BRD10: variants seen among roughly 807,000 people sequenced by gnomAD.
BRD10 encodes uncharacterized bromodomain-containing protein 10.
chr9:5,983,951 T>G, the BRD10 span, among the ~76,000 whole-genome samples: 1 of 142,246 alleles, frequency 7.0e-6, no homozygotes. Flanking sequence ...GAGTCATATA[T>G]GTATATGCAT....
the BRD10 span, chr9:6,007,925 G>C: frequency 7.5e-7 from 1 of 1,332,768 alleles, no homozygotes; most frequent in Non-Finnish European, 9.5e-7. Context: ...CTCAGCCGCC[G>C]GCTCGGCTCG....
the BRD10 span, among the ~76,000 whole-genome samples, chr9:5,953,324 T>A: frequency 6.6e-6 from 1 of 152,112 alleles, no homozygotes; most frequent in Non-Finnish European, 1.5e-5. Flanking sequence ...AGAAAGTGTT[T>A]ATTGAAGAAA....
the BRD10 span, chr9:5,969,009 C>T: frequency 6.2e-7 from 1 of 1,610,244 alleles, no homozygotes; most frequent in Non-Finnish European, 8.5e-7. Context: ...TTAACTTCTC[C>T]AAGAACTTTA....
At chr9:5,887,774 G>A in the BRD10 span, among the ~76,000 whole-genome samples, 29 of 152,280 alleles carry the variant, frequency 1.9e-4, no homozygotes, top group Middle Eastern at 3.4e-3. Context: ...CTAAGTCATG[G>A]TCTATTGTTC....
the BRD10 span, among the ~76,000 whole-genome samples, chr9:5,961,186 G>A: frequency 6.6e-6 from 1 of 152,070 alleles, no homozygotes; most frequent in East Asian, 1.9e-4. Flanking sequence ...GAATAGAGAG[G>A]AGACAATCCT....
the BRD10 span, among the ~76,000 whole-genome samples, chr9:5,980,678 T>C: frequency 1.3e-5 from 2 of 151,750 alleles, no homozygotes; most frequent in African/African-American, 4.8e-5. Flanking sequence ...AATGTATATG[T>C]ATATAGAGAG....
At chr9:5,976,341 T>C in the BRD10 span, among the ~76,000 whole-genome samples, 1 of 152,228 alleles carries the variant, frequency 6.6e-6, no homozygotes, top group Non-Finnish European at 1.5e-5. Flanking sequence ...GGGTAGAATA[T>C]TTTTCTTCAA....
the BRD10 span, among the ~76,000 whole-genome samples, chr9:5,973,858 G>C: frequency 6.6e-6 from 1 of 152,102 alleles, no homozygotes; most frequent in African/African-American, 2.4e-5. Context: ...CTCTAGCCTG[G>C]GCAACAGAGC....
chr9:5,886,025 AAC>A, the BRD10 span, among the ~76,000 whole-genome samples: 2 of 152,212 alleles, frequency 1.3e-5, no homozygotes, highest in Admixed American at 1.3e-4. Context: ...CCCAAAAGGG[AAC>A]ACAGTGGACG....
chr9:5,999,878 G>T, the BRD10 span, among the ~76,000 whole-genome samples: 1 of 151,836 alleles, frequency 6.6e-6, no homozygotes, highest in East Asian at 1.9e-4. Flanking sequence ...AACTGAACTT[G>T]TCTTACCACA....
At chr9:5,940,254 T>C in the BRD10 span, among the ~76,000 whole-genome samples, 4 of 152,126 alleles carry the variant, frequency 2.6e-5, no homozygotes, top group Non-Finnish European at 5.9e-5. Flanking sequence ...AGCACAGTGG[T>C]GCGATCTTGG....
chr9:5,949,040 A>G, the BRD10 span, among the ~76,000 whole-genome samples: 5 of 152,166 alleles, frequency 3.3e-5, no homozygotes, highest in Non-Finnish European at 7.3e-5. Flanking sequence ...GTTTCTCTCA[A>G]TGAACTATAT....
chr9:5,996,144 A>C, the BRD10 span, among the ~76,000 whole-genome samples: 1 of 152,208 alleles, frequency 6.6e-6, no homozygotes, highest in Non-Finnish European at 1.5e-5. Context: ...TAAAGCCATT[A>C]AACAACAACA....
At chr9:5,919,707 T>C in the BRD10 span, 1 of 1,610,796 alleles carries the variant, frequency 6.2e-7, no homozygotes, top group Non-Finnish European at 8.5e-7. Flanking sequence ...CTGTCAGGCT[T>C]CTCTAAGCCC....
the BRD10 span, chr9:5,944,835 G>T: frequency 2.0e-6 from 2 of 1,007,500 alleles, no homozygotes; most frequent in South Asian, 3.5e-5. Flanking sequence ...TTTTAATGCT[G>T]ACAATAATAG....
the BRD10 span, among the ~76,000 whole-genome samples, chr9:5,987,663 T>C: frequency 2.0e-5 from 3 of 152,234 alleles, no homozygotes; most frequent in Non-Finnish European, 2.9e-5. Context: ...ATAAATTGCC[T>C]CTGACCAGCA....
At chr9:5,956,971 G>A in the BRD10 span, among the ~76,000 whole-genome samples, 1 of 152,096 alleles carries the variant, frequency 6.6e-6, no homozygotes, top group African/African-American at 2.4e-5. Flanking sequence ...CTAGGGGGTA[G>A]GAAAAGGGAT....
At chr9:5,901,392 C>A in the BRD10 span, among the ~76,000 whole-genome samples, 1 of 152,174 alleles carries the variant, frequency 6.6e-6, no homozygotes, top group South Asian at 2.1e-4. Flanking sequence ...TTCCCTTTAT[C>A]CCTCGTTTAT....
chr9:5,922,924 C>T, the BRD10 span: 6 of 1,613,980 alleles, frequency 3.7e-6, no homozygotes, highest in South Asian at 3.3e-5. Flanking sequence ...TGGAAGGAGG[C>T]AGTTGATTTG....
Sources: allele counts gnomAD v4.1 joint callset (sites outside exome capture counted in the v4.1 genomes callset), GRCh38; gene constraint gnomAD v4.1.1; transcripts MANE v1.5; gene names NCBI Gene and HGNC (gene_info 2026-07-23, HGNC 2026-07-21).